The following EP400 variants were observed in gnomAD, a reference collection of about 807,000 sequenced individuals.
EP400 encodes E1A-binding protein p400.
EP400 carries 105 observed loss-of-function variants against 354.1 expected under a neutral mutation model. That is an observed-to-expected ratio of 0.30 (90% confidence interval 0.25 to 0.35). EP400 has a LOEUF of 0.35. Among genes scored for constraint, EP400 ranks in the 10% least tolerant of loss-of-function variants. The pLI is 1.00. For missense variants in EP400, 3,280 were observed against 4,121.0 expected (o/e 0.80, Z 5.59); for synonymous variants, 1,646 against 1,716.9 (o/e 0.96, Z 1.02).
At chr12:131,964,391 T>C (rs1278322196) in intron 2 of EP400, among the ~76,000 whole-genome samples, 1 of 152,090 alleles carries the variant, frequency 6.6e-6, no homozygotes. Context: ...TGCTTGAACC[T>C]GGGAGGCGGA....
chr12:131,976,424 C>T (rs79209072), intron 2 of EP400, among the ~76,000 whole-genome samples: 19,041 of 152,042 alleles, frequency 0.13, 1,612 homozygotes, highest in African/African-American at 0.24. Flanking sequence ...ATTAAAAATG[C>T]ACACTCTGGC....
At chr12:132,002,691 T>TAGTA (rs1475261121) in intron 12 of EP400, among the ~76,000 whole-genome samples, 2 of 152,224 alleles carry the variant, frequency 1.3e-5, no homozygotes, top group African/African-American at 4.8e-5. Flanking sequence ...ATAGACACTG[T>TAGTA]AGTATCTTTT....
chr12:131,990,772 T>G lies in EP400; in HGVS notation c.2629+58T>G. 3 of 1,326,168 alleles carry G rather than the reference T, an allele frequency of 2.3e-6. No homozygotes were observed. In the South Asian group the frequency reaches 3.8e-5, roughly 17 times the overall value. 82.2% of individuals were successfully genotyped at this position (1,326,168 alleles called of 1,614,324 possible). A position where few individuals can be genotyped will look rare whatever the true frequency, so the allele number is the denominator to read the frequency against. On this transcript the variant is annotated intron_variant, in intron 9 of 52. Transcript: ENST00000389561. The surrounding 1 kb of genome is among the most constrained non-coding windows in gnomAD (Gnocchi z 4.2). ...TGGGTGGTATTTTGTTCGGATTCTT[T>G]TCTCAGCAGGCAGTCTCCTGGCGCT...
At position 132,048,574 on chromosome 12, in the gene EP400, G is replaced by A. The variant is rs146314208; in HGVS notation, c.7201-1749G>A. On this transcript the variant is annotated intron_variant, in intron 39 of 52. Coordinates refer to ENST00000389561, the MANE Select transcript of EP400 (RefSeq NM_015409.5). ...TTTCACTGTTGTCACCTAGGCTGGA[G>A]TGCAGTGGCACGATCTCGGCTCACT... Among the ~76,000 whole-genome samples the A allele has an allele frequency of 9.4e-4, 140 of 149,162 alleles. 1 individual carries two copies. The East Asian group carries it at 0.026, about 28-fold the overall frequency.
Position 132,021,302 on chromosome 12 carries a change from G to T in EP400, c.4671G>T (p.Gln1557His). ...CTCAGAGGCTGGTGCTCCCCTCGCAGGCCCAGGCCCGCTTGCCCAGTAAGT... is the reference window on the plus strand; with the variant it reads ...CTCAGAGGCTGGTGCTCCCCTCGCATGCCCAGGCCCGCTTGCCCAGTAAGT... The part of the protein sequence containing the change: ...ALPQRLVLPS[Q>H]AQARLPSGEV... The change falls in exon 23 of 53, where the codon CAG (glutamine) becomes CAT (histidine). Residue 1557 changes from glutamine to histidine, a missense_variant. Gln to His is a conservative substitution (Grantham distance 24). Around this residue, in one of 20 missense-constraint regions of EP400, gnomAD observed 342 missense variants for 342.7 expected, o/e 1.00. Transcript: ENST00000389561. 6.6e-7 allele frequency: 1 copy of T among 1,522,340 alleles called. No individual in the cohort carries two copies. Among genetic ancestry groups the T allele is most frequent in the Non-Finnish European group, 8.8e-7 (1 of 1,141,614 alleles). The allele number at this position is 1,522,340 out of a possible 1,614,324, so 94.3% of individuals were successfully genotyped here.
intron 2 of EP400, among the ~76,000 whole-genome samples, chr12:131,975,993 G>T (rs569430399): frequency 1.4e-4 from 21 of 152,230 alleles, no homozygotes; most frequent in Admixed American, 3.9e-4. Flanking sequence ...GAGTCACCAT[G>T]CCCCGACTGA....
At chr12:131,981,241 C>A (rs1339672512) in intron 3 of EP400, among the ~76,000 whole-genome samples, 4 of 152,188 alleles carry the variant, frequency 2.6e-5, no homozygotes, top group African/African-American at 4.8e-5. Context: ...CTGCCCGTCA[C>A]ACACGTTGCA....
chr12:131,995,107 T>C, intron 12 of EP400, 151 bp downstream of exon 12: 1 of 683,934 alleles, frequency 1.5e-6, no homozygotes, highest in East Asian at 3.1e-5. Context: ...CTCTCTCTCC[T>C]GACCTGGAGG....
chr12:131,973,054 A>G (rs960863909), intron 2 of EP400, among the ~76,000 whole-genome samples: 1 of 152,172 alleles, frequency 6.6e-6, no homozygotes, highest in Non-Finnish European at 1.5e-5. Flanking sequence ...GTTATGTTGC[A>G]TATATACCAG....
At chr12:131,957,017 A>G (rs1891725273) in intron 1 of EP400, among the ~76,000 whole-genome samples, 2 of 151,410 alleles carry the variant, frequency 1.3e-5, no homozygotes, top group Admixed American at 1.3e-4. Context: ...GATTACAGGC[A>G]TGTGCCACCA....
chr12:132,023,699 A>T (rs1188776059), intron 23 of EP400, 78 bp from the exon 24 acceptor site: 1 of 1,476,992 alleles, frequency 6.8e-7, no homozygotes, highest in Non-Finnish European at 9.3e-7. Flanking sequence ...ATTATATACA[A>T]GAAACGACTG....
chr12:131,953,393 A>G (rs966885434), intron 1 of EP400, among the ~76,000 whole-genome samples: 5 of 152,228 alleles, frequency 3.3e-5, no homozygotes, highest in African/African-American at 1.2e-4. Flanking sequence ...GTTCTAGTAT[A>G]GGAGCTTTGG....
At chr12:131,952,323 A>G (rs1891539017) in intron 1 of EP400, among the ~76,000 whole-genome samples, 1 of 147,784 alleles carries the variant, frequency 6.8e-6, no homozygotes, top group South Asian at 2.1e-4. Context: ...AAAAAAAAAA[A>G]AAGAAAAAGA....
chr12:132,043,323 A>G lies in EP400; in HGVS notation c.6227A>G (p.Tyr2076Cys). ...PFIEALKSIE[Y>C]LEEDAQKSAQ... is the part of the protein sequence containing the mutation. Reference sequence around the variant, plus strand: ...CCTCAGGCCCTCAAGAGTATTGAGTATCTGGAGGAGGATGCCCAGAAGTCC... The same window carrying G: ...CCTCAGGCCCTCAAGAGTATTGAGTGTCTGGAGGAGGATGCCCAGAAGTCC... The change falls in exon 33 of 53, where the codon TAT becomes TGT. Residue 2076 changes from tyrosine (Y) to cysteine (C), a missense_variant. Around this residue, in one of 20 missense-constraint regions of EP400, gnomAD observed 60 missense variants for 109.9 expected, o/e 0.55. Coordinates refer to ENST00000389561, the MANE Select transcript of EP400 (RefSeq NM_015409.5). 1.9e-6 allele frequency: 3 copies of G among 1,613,454 alleles called. No individual in the cohort carries two copies. The highest frequency in any genetic ancestry group is 1.1e-5 in the South Asian group (1 of 90,838).
At position 132,078,217 on chromosome 12, in the gene EP400, TG is replaced by T. The variant is rs1344829324; in HGVS notation, c.*546del. 6.5e-6 allele frequency: 1 copy of T among 154,124 alleles called. No individual in the cohort carries two copies. The highest frequency in any genetic ancestry group is 1.4e-5 in the Non-Finnish European group (1 of 69,266). 9.5% of individuals were successfully genotyped at this position (154,124 alleles called of 1,614,324 possible). ...TTTTCCATTCCAAAGAAAGGCAATA[TG>T]GTTCCTTCCTTCCCTCCTAAAATAT... On this transcript the variant is annotated 3_prime_UTR_variant, in exon 53 of 53. Transcript: ENST00000389561.
Position 132,077,707 on chromosome 12 carries a change from A to C in EP400, c.*34A>C, listed in dbSNP as rs1207433560. 1 of 1,542,100 alleles carries C rather than the reference A, an allele frequency of 6.5e-7. No individual in the cohort carries two copies. Among genetic ancestry groups the C allele is most frequent in the East Asian group, 2.3e-5 (1 of 44,174 alleles). The stretch of plus-strand genomic sequence containing the variant: ...GCAGGGCTGCCTCTCATCTAAAGCA[A>C]AACTACCTTCCTCACAGAAAACGCT... On this transcript the variant is annotated 3_prime_UTR_variant, in exon 53 of 53. Coordinates refer to ENST00000389561, the MANE Select transcript of EP400 (RefSeq NM_015409.5).
chr12:132,045,598 G>C (rs766039045), intron 38 of EP400, 38 bp downstream of exon 38: 2 of 1,609,590 alleles, frequency 1.2e-6, no homozygotes, highest in Non-Finnish European at 1.7e-6. Context: ...GGTCATGTGC[G>C]GTCATTTTTC....
chr12:132,054,677 A>T lies in EP400; in HGVS notation c.7729-297A>T, dbSNP rs940172885. 2.0e-5 allele frequency among the ~76,000 whole-genome samples: 3 copies of T among 151,914 alleles called. No individual in the cohort carries two copies. The highest frequency in any genetic ancestry group is 4.4e-5 in the Non-Finnish European group (3 of 67,974). On this transcript the variant is annotated intron_variant, in intron 43 of 52. Transcript: ENST00000389561. This position sits in a 1 kb window ranked among gnomAD's most constrained non-coding sequence, Gnocchi z 4.0. The stretch of plus-strand genomic sequence containing the variant: ...GCTGGACTCAGGTGGTGAGGGACAG[A>T]GGGTGGATGAATGGAGTGGAGGGAC...
At position 132,006,165 on chromosome 12, in the gene EP400, G is replaced by A. The variant is rs771510250; in HGVS notation, c.2989G>A (p.Asp997Asn). ...RESRKDLVLI[D>N]SLFIMDQFKA... ...GAGTCGCAAGGACTTGGTTCTCATC[G>A]ACTCGCTTTTCATCATGGATCAGTT... The change falls in exon 14 of 53, where the codon GAC becomes AAC. Residue 997 changes from aspartate (D) to asparagine (N), a missense_variant. Around this residue, in one of 20 missense-constraint regions of EP400, gnomAD observed 800 missense variants for 840.0 expected, o/e 0.95. Coordinates refer to ENST00000389561, the MANE Select transcript of EP400 (RefSeq NM_015409.5). 6.8e-6 allele frequency: 11 copies of A among 1,614,134 alleles called. No homozygotes were observed. Among genetic ancestry groups the A allele is most frequent in the Admixed American group, 1.7e-5 (1 of 60,018 alleles).
Sources: gnomAD v4.1 joint callset for allele counts (sites outside exome capture counted in the v4.1 genomes callset) on GRCh38, gnomAD v4.1.1 for gene constraint, gnomAD v4.1.1 regional missense constraint, Gnocchi (gnomAD v3.1) non-coding constraint, MANE v1.5 for transcripts, NCBI Gene and HGNC (gene_info 2026-07-23, HGNC 2026-07-21) for gene names.